CLIC5: variants seen among roughly 807,000 people sequenced by gnomAD.
CLIC5 encodes the protein CLIC family member 5, also known as chloride intracellular channel protein 5.
CLIC5 carries 20 observed loss-of-function variants against 24.7 expected under a neutral mutation model. The observed-to-expected ratio is 0.81, with a 90% CI of 0.57 to 1.18. The LOEUF (loss-of-function observed/expected upper bound fraction) is 1.18, where lower values mean the gene tolerates loss of function less well. CLIC5 is among the 50% of genes most tolerant of loss of function. The pLI is 0.00. For missense variants in CLIC5, 341 were observed against 326.1 expected (o/e 1.05, Z -0.35); for synonymous variants, 159 against 135.6 (o/e 1.17, Z -1.20).
chr6:45,965,701 T>A (rs764185411), intron 1 of CLIC5, among the ~76,000 whole-genome samples: 3 of 152,214 alleles, frequency 2.0e-5, no homozygotes, highest in Non-Finnish European at 4.4e-5. Flanking sequence ...TCTCCTCACT[T>A]AAGCCTCCCT....
intron 1 of CLIC5, among the ~76,000 whole-genome samples, chr6:46,072,761 C>A (rs1043541236): frequency 6.6e-6 from 1 of 152,156 alleles, no homozygotes; most frequent in Non-Finnish European, 1.5e-5. Context: ...CACCCCATAG[C>A]TTATTCTACC....
rs112967199 is a variant in CLIC5 at position 45,926,458 on chromosome 6, A to T, written c.407-12049T>A. Among the ~76,000 whole-genome samples the T allele has an allele frequency of 6.1e-3, 918 of 150,510 alleles. 9 individuals are homozygous for T. The highest frequency in any genetic ancestry group is 0.02 in the African/African-American group (824 of 40,922). On this transcript the variant is annotated intron_variant, in intron 4 of 5. Coordinates refer to ENST00000339561, the MANE Select transcript of CLIC5 (RefSeq NM_016929.5). ...TTTTTAGTAGAGATGGGGTTTCACC[A>T]TATTGGCCAGGCTGGTCTTGAACTC...
At chr6:46,032,638 G>A (rs1321321746) in intron 1 of CLIC5, among the ~76,000 whole-genome samples, 3 of 152,112 alleles carry the variant, frequency 2.0e-5, no homozygotes, top group African/African-American at 7.2e-5. Context: ...TTTATCTTTG[G>A]GAAGTGAATT....
the CLIC5 span, among the ~76,000 whole-genome samples, chr6:46,116,247 G>GT: frequency 6.6e-6 from 1 of 152,054 alleles, no homozygotes; most frequent in African/African-American, 2.4e-5. Context: ...AGATGTATTT[G>GT]TTTTTTTCTG....
At chr6:46,020,835 A>G (rs1257865864), upstream of CLIC5, among the ~76,000 whole-genome samples, 1 of 152,064 alleles carries the variant, frequency 6.6e-6, no homozygotes, top group African/African-American at 2.4e-5. Flanking sequence ...TAAAATGGAT[A>G]AAAGACACAG....
At chr6:46,047,329 T>C (rs1023644425) in intron 1 of CLIC5, among the ~76,000 whole-genome samples, 4 of 152,216 alleles carry the variant, frequency 2.6e-5, no homozygotes, top group African/African-American at 4.8e-5. Flanking sequence ...AGTAATACTC[T>C]TGATGCCCAT....
chr6:45,920,244 G>C (rs1164599790), intron 4 of CLIC5: 1 of 984,232 alleles, frequency 1.0e-6, no homozygotes, highest in Non-Finnish European at 1.2e-6. Context: ...TGAGTAGAGG[G>C]GCAACCATGA....
chr6:46,002,245 T>TG (rs1766390120), intron 1 of CLIC5, among the ~76,000 whole-genome samples: 3 of 139,254 alleles, frequency 2.2e-5, no homozygotes, highest in African/African-American at 7.8e-5. Flanking sequence ...CTGTAATTTT[T>TG]TTTGTTGTTG....
chr6:45,903,605 T>C (rs1190023377), intron 5 of CLIC5, among the ~76,000 whole-genome samples: 2 of 152,144 alleles, frequency 1.3e-5, no homozygotes, highest in East Asian at 3.8e-4. Context: ...CAACAATATA[T>C]GAATACATAC....
upstream of CLIC5, chr6:46,015,971 G>GC (rs1766990477): frequency 1.1e-5 from 10 of 901,218 alleles, no homozygotes; most frequent in South Asian, 3.1e-4. Flanking sequence ...CCGGGCCACG[G>GC]CCCCCCGCCC....
upstream of CLIC5, chr6:46,016,000 G>A (rs993389921): frequency 4.4e-6 from 3 of 683,048 alleles, no homozygotes; most frequent in African/African-American, 1.9e-5. Context: ...CGCAGGGCAG[G>A]AGGCGGAGAC....
intron 1 of CLIC5, among the ~76,000 whole-genome samples, chr6:46,067,257 A>T (rs1581915615): frequency 6.6e-6 from 1 of 152,178 alleles, no homozygotes; most frequent in African/African-American, 2.4e-5. Context: ...AGCTACCGAG[A>T]TAAGAAACAA....
intron 1 of CLIC5, among the ~76,000 whole-genome samples, chr6:46,007,898 C>CT (rs1766645126): frequency 6.8e-6 from 1 of 146,838 alleles, no homozygotes; most frequent in Non-Finnish European, 1.5e-5. Context: ...TTGTTTTTTC[C>CT]TGTTTTTTTT....
chr6:45,891,633 C>CA (rs5875942), intron 6 of CLIC5, among the ~76,000 whole-genome samples: 69,250 of 126,342 alleles, frequency 0.55, 17,613 homozygotes, highest in African/African-American at 0.66. Context: ...GATTTCATTT[C>CA]AAAAAAAAAA....
chr6:45,890,746 CA>C (rs1481913688), intron 6 of CLIC5, among the ~76,000 whole-genome samples: 3 of 152,040 alleles, frequency 2.0e-5, no homozygotes, highest in Non-Finnish European at 4.4e-5. Context: ...AAAAACAAAA[CA>C]AAACAGGAAA....
chr6:46,110,135 A>G, the CLIC5 span, among the ~76,000 whole-genome samples: 2 of 152,222 alleles, frequency 1.3e-5, no homozygotes, highest in Non-Finnish European at 2.9e-5. Context: ...CTCAAGTAGC[A>G]GAACATGTTC....
chr6:46,106,825 T>C, the CLIC5 span, among the ~76,000 whole-genome samples: 1 of 152,234 alleles, frequency 6.6e-6, no homozygotes, highest in African/African-American at 2.4e-5. Flanking sequence ...TAAAACTCAG[T>C]GAGGGCTTTA....
At chr6:45,943,954 G>A (rs893628596) in intron 3 of CLIC5, among the ~76,000 whole-genome samples, 9 of 152,196 alleles carry the variant, frequency 5.9e-5, no homozygotes, top group Admixed American at 6.5e-5. Context: ...TATAGGATAA[G>A]TGCATTCATT....
At chr6:46,073,609 C>T (rs917373095) in intron 1 of CLIC5, among the ~76,000 whole-genome samples, 2 of 152,204 alleles carry the variant, frequency 1.3e-5, no homozygotes, top group African/African-American at 4.8e-5. Context: ...TTGTTTTGCT[C>T]ATGGTATCCT....
Sources: gnomAD v4.1 joint callset for allele counts (sites outside exome capture counted in the v4.1 genomes callset) on GRCh38, gnomAD v4.1.1 for gene constraint, MANE v1.5 for transcripts, NCBI Gene and HGNC (gene_info 2026-07-23, HGNC 2026-07-21) for gene names.